LPA: variants seen among roughly 807,000 people sequenced by gnomAD.
LPA encodes apolipoprotein(a).
In LPA, 199 loss-of-function variants were observed where a neutral mutation model predicts 197.9. The ratio of observed to expected loss-of-function variants is 1.01; its 90% CI spans 0.90 to 1.13. The LOEUF (loss-of-function observed/expected upper bound fraction) is 1.13. LPA is among the 50% of genes most tolerant of loss of function. The probability of loss-of-function intolerance (pLI) is 0.00; values close to 1 mark genes in which losing one functional copy is unlikely to be tolerated. For synonymous variants in LPA, 715 were observed against 639.5 expected (o/e 1.12, Z -1.78); for missense variants, 1,853 against 1,785.8 (o/e 1.04, Z -0.68).
chr6:160,571,081 C>G (rs1778554282), intron 28 of LPA, among the ~76,000 whole-genome samples: 1 of 152,088 alleles, frequency 6.6e-6, no homozygotes, highest in African/African-American at 2.4e-5. Context: ...ATTCTTTATT[C>G]CTTAATCTTG....
chr6:160,579,574 AG>A (rs1417401426), intron 26 of LPA, among the ~76,000 whole-genome samples: 1 of 152,228 alleles, frequency 6.6e-6, no homozygotes, highest in Non-Finnish European at 1.5e-5. Flanking sequence ...AAAACAATGC[AG>A]TAAGAGGCAC....
intron 28 of LPA, among the ~76,000 whole-genome samples, chr6:160,567,235 T>C (rs1778473519): frequency 6.6e-6 from 1 of 152,230 alleles, no homozygotes; most frequent in African/African-American, 2.4e-5. Flanking sequence ...ATTGACCAGA[T>C]AGTTGGAAGT....
At chr6:160,565,871 A>G (rs910960874) in intron 28 of LPA, among the ~76,000 whole-genome samples, 5 of 152,230 alleles carry the variant, frequency 3.3e-5, no homozygotes, top group African/African-American at 1.2e-4. Context: ...CACGAGAACT[A>G]CGTGACACAT....
intron 28 of LPA, among the ~76,000 whole-genome samples, chr6:160,574,848 G>A (rs1033415322): frequency 2.6e-5 from 4 of 152,070 alleles, no homozygotes; most frequent in Non-Finnish European, 5.9e-5. Flanking sequence ...GTCAATATGG[G>A]GCTAAAATTC....
intron 1 of LPA, 101 bp from the exon 2 acceptor site, chr6:160,650,598 G>T: frequency 1.7e-6 from 2 of 1,158,430 alleles, no homozygotes; most frequent in South Asian, 1.2e-5. Context: ...TGAGAATTAC[G>T]ACCATTCTCT....
Position 160,541,148 on chromosome 6 carries a change from T to G in LPA, c.5553A>C (p.Ile1851=). Residue 1851 remains isoleucine (I), a synonymous_variant, in exon 35 of 39, where the codon ATA becomes ATC. Coordinates refer to ENST00000316300, the MANE Select transcript of LPA (RefSeq NM_005577.4). ...FGKHFCGGTL[I]SPEWVLTAAH... is the part of the protein sequence containing the mutation. The stretch of plus-strand genomic sequence containing the variant: ...CAGCAGTCAGCACCCACTCTGGGGA[T>G]ATTAAGGTGCCTCCACAGAAGTGCT... The G allele has an allele frequency of 6.2e-7, 1 of 1,614,102 alleles. No homozygotes were observed. Among genetic ancestry groups the G allele is most frequent in the African/African-American group, 1.3e-5 (1 of 75,052 alleles).
In LPA at chr6:160,603,259, T is replaced by TGTGTGTGTGC. The variant is rs952043659; in HGVS notation, c.2945+1786_2945+1787insGCACACACAC. 1.6e-4 allele frequency among the ~76,000 whole-genome samples: 25 copies of TGTGTGTGTGC among 151,546 alleles called. No homozygotes were observed. The East Asian group carries it at 1.7e-3, about 11-fold the overall frequency. ...GTGTGTGTGTGTGTGTGTGTGTGTG[T>TGTGTGTGTGC]GCGTGCATGTTTCTAAGCCTGTGCA... On this transcript the variant is annotated intron_variant, in intron 18 of 38. Coordinates refer to ENST00000316300, the MANE Select transcript of LPA (RefSeq NM_005577.4).
intron 1 of LPA, among the ~76,000 whole-genome samples, chr6:160,663,841 A>G (rs144652828): frequency 9.2e-5 from 14 of 152,354 alleles, no homozygotes; most frequent in African/African-American, 3.1e-4. Context: ...ACTGAGAACC[A>G]AGCGAAGAGC....
Position 160,591,098 on chromosome 6 carries a change from GC to G in LPA, c.3632del (p.Gly1211AlafsTer2). Reference sequence around the variant, plus strand: ...GATTCCTGCAGTAGTTCCTGGTCAGGCCACTGCAAATTACAAAACAATACAG... The same window carrying G: ...GATTCCTGCAGTAGTTCCTGGTCAGGCACTGCAAATTACAAAACAATACAG... Reference protein sequence around the residue: ...QRTTEYYPNGGLTRNYCRNPD... With the variant: ...QRTTEYYPNGXLTRNYCRNPD... On this transcript the variant is annotated frameshift_variant and splice_region_variant, in exon 23 of 39. Coordinates refer to ENST00000316300, the MANE Select transcript of LPA (RefSeq NM_005577.4). LOFTEE classifies it high-confidence loss of function. 1 of 1,613,468 alleles carries G rather than the reference GC, an allele frequency of 6.2e-7. No individual in the cohort carries two copies. The highest frequency in any genetic ancestry group is 1.1e-5 in the South Asian group (1 of 91,060).
At chr6:160,538,019 A>G in intron 36 of LPA, 58 bp from the exon 37 acceptor site, 2 of 1,447,524 alleles carry the variant, frequency 1.4e-6, no homozygotes, top group Non-Finnish European at 1.9e-6. Context: ...GGCAGTACCT[A>G]CAACCAGGCA....
At chr6:160,545,663 T>C in intron 32 of LPA, 130 bp from the exon 33 acceptor site, 1 of 696,082 alleles carries the variant, frequency 1.4e-6, no homozygotes, top group South Asian at 1.6e-5. Flanking sequence ...TTTCTATCAT[T>C]ATTATATTTT....
intron 1 of LPA, among the ~76,000 whole-genome samples, chr6:160,660,312 T>C (rs947833135): frequency 1.3e-5 from 2 of 152,194 alleles, no homozygotes; most frequent in Non-Finnish European, 2.9e-5. Context: ...GGCATTCTTT[T>C]CTACCTAGGT....
chr6:160,599,602 T>C lies in LPA; in HGVS notation c.3185A>G (p.Tyr1062Cys), dbSNP rs1403648778. 1 of 1,614,114 alleles carries C rather than the reference T, an allele frequency of 6.2e-7. No individual in the cohort carries two copies. Among genetic ancestry groups the C allele is most frequent in the South Asian group, 1.1e-5 (1 of 91,084 alleles). The change falls in exon 20 of 39, where the codon TAC becomes TGC. Residue 1062 changes from tyrosine to cysteine, a missense_variant. This residue lies in a region of LPA where 1,737 missense variants were observed against 1,504.4 expected (regional missense o/e 1.15). Coordinates refer to ENST00000316300, the MANE Select transcript of LPA (RefSeq NM_005577.4). ...QDCYYHYGQS[Y>C]RGTYSTTVTG... is the part of the protein sequence containing the mutation. ...GACAGTGGTGGAGTATGTGCCTCGG[T>C]AACTCTGTCCATAATGGTAGTAGCA...
At chr6:160,647,351 T>C (rs1461433810) in intron 2 of LPA, among the ~76,000 whole-genome samples, 6 of 152,298 alleles carry the variant, frequency 3.9e-5, no homozygotes. Flanking sequence ...CCAAGAACGT[T>C]GCTCCAACCT....
chr6:160,605,007 T>A, intron 18 of LPA, 39 bp downstream of exon 18: 1 of 1,611,706 alleles, frequency 6.2e-7, no homozygotes, highest in Non-Finnish European at 8.5e-7. Flanking sequence ...AAATTTCCAC[T>A]GACCCTTCCT....
chr6:160,594,724 T>G (rs998318591), intron 21 of LPA, among the ~76,000 whole-genome samples: 1 of 152,178 alleles, frequency 6.6e-6, no homozygotes, highest in African/African-American at 2.4e-5. Flanking sequence ...ACTACTCTTC[T>G]TCTCAGAGAC....
chr6:160,605,789 C>A (rs1438185776), intron 17 of LPA, among the ~76,000 whole-genome samples: 4 of 152,158 alleles, frequency 2.6e-5, no homozygotes, highest in Non-Finnish European at 5.9e-5. Context: ...CAGCTTACTC[C>A]CCTGCAGGAG....
In LPA at chr6:160,634,910, G is replaced by C. The variant is rs771691846; in HGVS notation, c.1075+213C>G. On this transcript the variant is annotated intron_variant, in intron 7 of 38. Coordinates refer to ENST00000316300, the MANE Select transcript of LPA (RefSeq NM_005577.4). ...TGAAGCCCATCACCCTGGAAGGTTTGTGCCCATTCTAAAGACAAAGCCCAC... is the reference window on the plus strand; with the variant it reads ...TGAAGCCCATCACCCTGGAAGGTTTCTGCCCATTCTAAAGACAAAGCCCAC... Among the ~76,000 whole-genome samples, 505 of 150,078 alleles carry C rather than the reference G, an allele frequency of 3.4e-3. 17 individuals carry two copies. Among genetic ancestry groups the C allele is most frequent in the Non-Finnish European group, 5.3e-3 (360 of 67,878 alleles).
intron 36 of LPA, among the ~76,000 whole-genome samples, chr6:160,538,799 A>T (rs12194138): frequency 0.11 from 16,717 of 152,094 alleles, 1,300 homozygotes; most frequent in Non-Finnish European, 0.17. Context: ...GGGTGTGGGG[A>T]TGTGCGGTGG....
Sources: gnomAD v4.1 joint callset for allele counts (sites outside exome capture counted in the v4.1 genomes callset) on GRCh38, gnomAD v4.1.1 for gene constraint, gnomAD v4.1.1 regional missense constraint, MANE v1.5 for transcripts, NCBI Gene and HGNC (gene_info 2026-07-23, HGNC 2026-07-21) for gene names.